The following ARPP21 variants were observed in gnomAD, a reference collection of about 807,000 sequenced individuals.
ARPP21 encodes cAMP regulated phosphoprotein 21, also known as cAMP-regulated phosphoprotein 21.
In ARPP21, 69 loss-of-function variants were observed where a neutral mutation model predicts 113.2. The observed-to-expected ratio is 0.61, with a 90% CI of 0.50 to 0.74. ARPP21 has a LOEUF of 0.74. ARPP21 is among the 30% of genes least tolerant of loss of function. The pLI, the probability that ARPP21 is intolerant of heterozygous loss-of-function variation, is 0.00. For missense variants in ARPP21, 1,070 were observed against 1,037.4 expected, an observed-to-expected ratio of 1.03 and a Z score of -0.43; for synonymous variants, 368 against 375.5, an observed-to-expected ratio of 0.98 and a Z score of 0.23.
chr3:35,683,758 C>T lies in ARPP21; in HGVS notation c.204C>T (p.Ser68=), dbSNP rs969818. The T allele has an allele frequency of 0.65, 972,692 of 1,503,696 alleles. 319,148 individuals are homozygous for T. Among genetic ancestry groups the T allele is most frequent in the African/African-American group, 0.84 (61,056 of 72,444 alleles). 93.1% of individuals were successfully genotyped at this position (1,503,696 alleles called of 1,614,324 possible). A position where few individuals can be genotyped will look rare whatever the true frequency, so the allele number is the denominator to read the frequency against. The change falls in exon 5 of 21, where the codon AGC becomes AGT. Residue 68 remains serine (S), a synonymous_variant. Coordinates refer to ENST00000684406, the MANE Select transcript of ARPP21 (RefSeq NM_001385562.1). ...SGAGKGKLTR[S]LAVCEESSAR... ...CAGGAAAAGGTAAACTGACTCGCAGCCTTGCTGTCTGTGAGGAATCTTCTG... is the reference window on the plus strand; with the variant it reads ...CAGGAAAAGGTAAACTGACTCGCAGTCTTGCTGTCTGTGAGGAATCTTCTG...
chr3:35,707,808 G>T (rs907444546), intron 10 of ARPP21, among the ~76,000 whole-genome samples: 6 of 151,818 alleles, frequency 4.0e-5, no homozygotes, highest in Non-Finnish European at 7.4e-5. Context: ...ATTGGCGGGG[G>T]GCTATGGGAT....
rs1356358317 is a variant in ARPP21 at position 35,683,397 on chromosome 3, AAATT to A, written c.172-324_172-321del. Reference sequence around the variant, plus strand: ...TCTCCTGCAAACTTAGTTTTAGTAAAAATTAATTTTATCACTTTTTCCTCCTGAT... The same window carrying A: ...TCTCCTGCAAACTTAGTTTTAGTAAAAATTTTATCACTTTTTCCTCCTGAT... On this transcript the variant is annotated intron_variant, in intron 4 of 20. Transcript: ENST00000684406. Among the ~76,000 whole-genome samples, 4 of 151,774 alleles carry A rather than the reference AAATT, an allele frequency of 2.6e-5. No homozygotes were observed. The East Asian group carries it at 5.8e-4, about 22-fold the overall frequency.
chr3:35,650,039 C>G (rs1253665194), intron 1 of ARPP21, among the ~76,000 whole-genome samples: 1 of 152,128 alleles, frequency 6.6e-6, no homozygotes, highest in African/African-American at 2.4e-5. Context: ...AAACAAAAAA[C>G]AAAACCTTAT....
chr3:35,652,570 C>A (rs1702859478), intron 1 of ARPP21, among the ~76,000 whole-genome samples: 1 of 152,038 alleles, frequency 6.6e-6, no homozygotes, highest in Non-Finnish European at 1.5e-5. Context: ...AAGCAGGGAT[C>A]AAACAGTTTG....
At chr3:35,726,453 T>C (rs964302840) in intron 14 of ARPP21, among the ~76,000 whole-genome samples, 13 of 152,238 alleles carry the variant, frequency 8.5e-5, no homozygotes, top group African/African-American at 3.1e-4. Context: ...AGCCATCCTT[T>C]TGAAGAGGTT....
At chr3:35,669,099 A>C (rs892738940) in intron 1 of ARPP21, among the ~76,000 whole-genome samples, 1 of 152,092 alleles carries the variant, frequency 6.6e-6, no homozygotes, top group African/African-American at 2.4e-5. Flanking sequence ...ATATATTTGC[A>C]GGAGAGTTTT....
rs368518396 is a variant in ARPP21 at position 35,661,300 on chromosome 3, A to G, written c.-212-18487A>G. Reference sequence around the variant, plus strand: ...TAGTATGAAAATCAGTTATTGAGCTATATCGTGAGAATGGTGAATTTGTGC... The same window carrying G: ...TAGTATGAAAATCAGTTATTGAGCTGTATCGTGAGAATGGTGAATTTGTGC... On this transcript the variant is annotated intron_variant, in intron 1 of 20. Transcript: ENST00000684406. Among the ~76,000 whole-genome samples the G allele has an allele frequency of 2.6e-5, 4 of 152,290 alleles. No homozygotes were observed. The East Asian group carries it at 5.8e-4, about 22-fold the overall frequency.
chr3:35,725,852 C>T (rs2093492062), intron 14 of ARPP21, among the ~76,000 whole-genome samples: 1 of 149,754 alleles, frequency 6.7e-6, no homozygotes, highest in Non-Finnish European at 1.5e-5. Flanking sequence ...CTGTGAGTAG[C>T]ATGGAATTTT....
At chr3:35,683,440 G>T (rs1296372175) in intron 4 of ARPP21, among the ~76,000 whole-genome samples, 2 of 151,612 alleles carry the variant, frequency 1.3e-5, no homozygotes, top group African/African-American at 4.8e-5. Flanking sequence ...TTCATGAAAT[G>T]ACAGCAATTC....
intron 19 of ARPP21, among the ~76,000 whole-genome samples, chr3:35,780,069 G>A (rs903522001): frequency 6.6e-6 from 1 of 152,128 alleles, no homozygotes; most frequent in Non-Finnish European, 1.5e-5. Context: ...CCTCTGCACT[G>A]GCAAGGCTTT....
intron 2 of ARPP21, chr3:35,680,971 TCTATAGA>T (rs2078726401): frequency 6.6e-6 from 1 of 151,790 alleles, no homozygotes; most frequent in African/African-American, 2.4e-5. Flanking sequence ...ATTTCCAGTG[TCTATAGA>T]CTATTGTGAG....
chr3:35,664,101 G>A (rs1429701057), intron 1 of ARPP21, among the ~76,000 whole-genome samples: 1 of 152,152 alleles, frequency 6.6e-6, no homozygotes, highest in Admixed American at 6.5e-5. Context: ...AATATCTAAA[G>A]CAATGTTTGA....
At chr3:35,713,411 T>A (rs1039609896) in intron 11 of ARPP21, among the ~76,000 whole-genome samples, 1 of 151,970 alleles carries the variant, frequency 6.6e-6, no homozygotes, top group Non-Finnish European at 1.5e-5. Flanking sequence ...TTTTTTTTTA[T>A]TTTTTTGAGA....
intron 14 of ARPP21, among the ~76,000 whole-genome samples, chr3:35,722,751 A>G (rs1318265236): frequency 6.6e-6 from 1 of 152,232 alleles, no homozygotes; most frequent in Non-Finnish European, 1.5e-5. Flanking sequence ...CTTTAAACTG[A>G]TGGAAGCATA....
intron 1 of ARPP21, among the ~76,000 whole-genome samples, chr3:35,648,638 C>T (rs150914241): frequency 5.2e-4 from 79 of 152,272 alleles, no homozygotes; most frequent in Non-Finnish European, 9.8e-4. Context: ...CACTGTGCCT[C>T]TGTGAACATG....
chr3:35,675,270 T>C (rs563216952), intron 1 of ARPP21, among the ~76,000 whole-genome samples: 6 of 151,910 alleles, frequency 3.9e-5, no homozygotes, highest in Admixed American at 3.9e-4. Flanking sequence ...TTTGCCTGTA[T>C]GGGTTATGGA....
intron 19 of ARPP21, among the ~76,000 whole-genome samples, chr3:35,766,008 G>A (rs987071139): frequency 6.6e-6 from 1 of 151,996 alleles, no homozygotes; most frequent in African/African-American, 2.4e-5. Context: ...TGTAGCTCTG[G>A]GTACCATGTA....
chr3:35,764,715 G>A (rs1408142728), intron 19 of ARPP21, among the ~76,000 whole-genome samples: 2 of 152,056 alleles, frequency 1.3e-5, no homozygotes, highest in Non-Finnish European at 2.9e-5. Flanking sequence ...ATGTTTTGTG[G>A]GGTTTTAGTG....
chr3:35,668,033 GAGA>G lies in ARPP21; in HGVS notation c.-212-11743_-212-11741del, dbSNP rs149153087. ...GAAGAAGAAGAAGAAGAAGAAGAAG[GAGA>G]AGAAGAAGAAAGAAGAAAGTCATAA... On this transcript the variant is annotated intron_variant, in intron 1 of 20. Coordinates refer to ENST00000684406, the MANE Select transcript of ARPP21 (RefSeq NM_001385562.1). 4.7e-3 allele frequency among the ~76,000 whole-genome samples: 512 copies of G among 109,990 alleles called. 8 individuals carry two copies. The highest frequency in any genetic ancestry group is 0.018 in the African/African-American group (472 of 26,668). The allele number at this position is 109,990 out of a possible 152,430, so 72.2% of individuals were successfully genotyped here. A position where few individuals can be genotyped will look rare whatever the true frequency, so the allele number is the denominator to read the frequency against.
Sources: gnomAD v4.1 joint callset for allele counts (sites outside exome capture counted in the v4.1 genomes callset) on GRCh38, gnomAD v4.1.1 for gene constraint, MANE v1.5 for transcripts, NCBI Gene and HGNC (gene_info 2026-07-23, HGNC 2026-07-21) for gene names.